The following C5orf52 variants were observed in gnomAD, a reference collection of about 807,000 sequenced individuals.
The protein encoded by C5orf52 is uncharacterized protein C5orf52.
C5orf52 carries 15 observed loss-of-function variants against 16.8 expected under a neutral mutation model. The observed-to-expected ratio is 0.89, with a 90% confidence interval of 0.60 to 1.38. The LOEUF (loss-of-function observed/expected upper bound fraction) is 1.38, where lower values mean the gene tolerates loss of function less well. Among genes scored for constraint, C5orf52 ranks in the 40% most tolerant of loss-of-function variants. The pLI, the probability that C5orf52 is intolerant of heterozygous loss-of-function variation, is 0.00. For synonymous variants in C5orf52, 83 were observed against 87.2 expected (o/e 0.95, Z 0.27); for missense variants, 206 against 213.1 (o/e 0.97, Z 0.21).
chr5:157,671,610 C>A lies in C5orf52; in HGVS notation c.-5C>A, dbSNP rs1464429851. On this transcript the variant is annotated 5_prime_UTR_variant, in exon 1 of 3. Transcript: ENST00000409999. ...TCCAACTCTTTCTCCAACAGGGAAGCCGCAATGACACAGCCGACTAGGCCC... is the reference window on the plus strand; with the variant it reads ...TCCAACTCTTTCTCCAACAGGGAAGACGCAATGACACAGCCGACTAGGCCC... 6.5e-7 allele frequency: 1 copy of A among 1,544,438 alleles called. No individual in the cohort carries two copies.
chr5:157,673,229 C>T (rs1445611402), intron 1 of C5orf52, among the ~76,000 whole-genome samples: 5 of 151,884 alleles, frequency 3.3e-5, no homozygotes, highest in South Asian at 2.1e-4. Context: ...CCCAGTTACT[C>T]GGGAGCCTGA....
chr5:157,679,879 C>G lies in C5orf52; in HGVS notation c.360C>G (p.His120Gln), dbSNP rs1053967087. The change falls in exon 3 of 3, where the codon CAC (histidine) becomes CAG (glutamine). Residue 120 changes from histidine (H) to glutamine (Q), a missense_variant. Physicochemically the swap from His to Gln is conservative, Grantham distance 24. Coordinates refer to ENST00000409999, the MANE Select transcript of C5orf52 (RefSeq NM_001145132.2). The part of the protein sequence containing the change: ...ALEKTKKKIS[H>Q]YYEHLKKKFM... ...AGAAGACCAAGAAAAAGATCAGCCA[C>G]TACTATGAACACCTGAAAAAAAAGT... is the stretch of plus-strand genomic sequence containing the variant. The G allele has an allele frequency of 1.3e-6, 2 of 1,551,752 alleles. No homozygotes were observed. Among genetic ancestry groups the G allele is most frequent in the South Asian group, 2.4e-5 (2 of 84,028 alleles).
At chr5:157,676,716 A>C (rs911508878) in intron 2 of C5orf52, among the ~76,000 whole-genome samples, 1 of 152,188 alleles carries the variant, frequency 6.6e-6, no homozygotes, top group Non-Finnish European at 1.5e-5. Context: ...TAGTTCGAGC[A>C]AGATAGAGAA....
Position 157,679,896 on chromosome 5 carries a change from A to G in C5orf52, c.377A>G (p.Lys126Arg), listed in dbSNP as rs751126888. The change falls in exon 3 of 3, where the codon AAA (lysine) becomes AGA (arginine). Residue 126 changes from lysine (K) to arginine (R), a missense_variant. Transcript: ENST00000409999. ...ATCAGCCACTACTATGAACACCTGA[A>G]AAAAAAGTTCATGACAGAGCAGCTC... is the stretch of plus-strand genomic sequence containing the variant. ...KKISHYYEHL[K>R]KKFMTEQLRK... The G allele has an allele frequency of 8.4e-6, 13 of 1,551,730 alleles. No homozygotes were observed. The highest frequency in any genetic ancestry group is 1.2e-5 in the South Asian group (1 of 84,062).
chr5:157,675,002 C>A, intron 1 of C5orf52, 90 bp from the exon 2 acceptor site: 1 of 760,348 alleles, frequency 1.3e-6, no homozygotes. Context: ...CCGGGGAAGC[C>A]TCAGCCACTC....
At chr5:157,678,398 C>T (rs908983700) in intron 2 of C5orf52, among the ~76,000 whole-genome samples, 2 of 152,172 alleles carry the variant, frequency 1.3e-5, no homozygotes, top group South Asian at 2.1e-4. Context: ...TTCTACATGC[C>T]CCAAACCCTC....
intron 2 of C5orf52, among the ~76,000 whole-genome samples, chr5:157,679,061 G>A (rs963225281): frequency 1.3e-5 from 2 of 151,736 alleles, no homozygotes; most frequent in African/African-American, 2.4e-5. Context: ...GTGAACCCAG[G>A]AGGCAGAGCT....
chr5:157,671,694 C>T lies in C5orf52; in HGVS notation c.80C>T (p.Thr27Ile). The change falls in exon 1 of 3, where the codon ACC (threonine) becomes ATC (isoleucine). Residue 27 changes from threonine (T) to isoleucine (I), a missense_variant. By Grantham distance (89) the Thr-to-Ile change is moderately conservative (BLOSUM62 -1). Coordinates refer to ENST00000409999, the MANE Select transcript of C5orf52 (RefSeq NM_001145132.2). ...GGCGGGACCGCCGCCCAGGCGACCA[C>T]CAGTTCCAGCGCCACCTCGGGTTCG... The part of the protein sequence containing the change: ...TIGGTAAQAT[T>I]SSSATSGSNY... 1.9e-6 allele frequency: 3 copies of T among 1,551,456 alleles called. No individual in the cohort carries two copies. Among genetic ancestry groups the T allele is most frequent in the Non-Finnish European group, 2.6e-6 (3 of 1,146,924 alleles).
At chr5:157,677,232 A>T (rs1185562191) in intron 2 of C5orf52, among the ~76,000 whole-genome samples, 3 of 152,178 alleles carry the variant, frequency 2.0e-5, no homozygotes, top group African/African-American at 7.2e-5. Flanking sequence ...CCCGCAGTGT[A>T]TGGGACAGCC....
chr5:157,679,415 C>T (rs1277275877), intron 2 of C5orf52, among the ~76,000 whole-genome samples: 4 of 152,134 alleles, frequency 2.6e-5, no homozygotes, highest in Admixed American at 2.6e-4. Flanking sequence ...CGGCTTACTG[C>T]AGCCTCCACC....
chr5:157,674,492 G>A (rs57823519), intron 1 of C5orf52, among the ~76,000 whole-genome samples: 25,867 of 152,152 alleles, frequency 0.17, 2,505 homozygotes, highest in African/African-American at 0.27. Flanking sequence ...GGCTGGGTGG[G>A]CGTGGTGGCA....
intron 2 of C5orf52, among the ~76,000 whole-genome samples, chr5:157,678,962 G>A (rs1250549294): frequency 2.6e-5 from 4 of 151,792 alleles, no homozygotes; most frequent in Admixed American, 6.6e-5. Flanking sequence ...GTGAAACCCC[G>A]TCTCTACTAA....
intron 2 of C5orf52, among the ~76,000 whole-genome samples, chr5:157,679,297 G>A (rs1439743814): frequency 6.6e-6 from 1 of 152,012 alleles, no homozygotes; most frequent in African/African-American, 2.4e-5. Context: ...ACACCTTACC[G>A]CCTTTTGGGG....
intron 2 of C5orf52, among the ~76,000 whole-genome samples, chr5:157,676,496 G>A (rs1024700064): frequency 2.0e-5 from 3 of 152,154 alleles, no homozygotes; most frequent in Non-Finnish European, 2.9e-5. Flanking sequence ...AGATCCTCTT[G>A]AAGGTCACAA....
At chr5:157,679,724 C>A in intron 2 of C5orf52, 117 bp from the exon 3 acceptor site, 1 of 921,330 alleles carries the variant, frequency 1.1e-6, no homozygotes, top group Non-Finnish European at 1.6e-6. Context: ...ACATAGGGTC[C>A]AGCTGACACT....
intron 1 of C5orf52, among the ~76,000 whole-genome samples, chr5:157,674,305 C>T (rs1759855531): frequency 6.6e-6 from 1 of 152,116 alleles, no homozygotes; most frequent in South Asian, 2.1e-4. Flanking sequence ...GATTTATACT[C>T]CCCCAACCCC....
intron 2 of C5orf52, among the ~76,000 whole-genome samples, chr5:157,676,861 C>CTT (rs61514085): frequency 1.3e-4 from 17 of 134,914 alleles, no homozygotes; most frequent in African/African-American, 2.9e-4. Context: ...TTTTAATTTC[C>CTT]TTTTTTTTTC....
chr5:157,678,346 T>G (rs956846541), intron 2 of C5orf52, among the ~76,000 whole-genome samples: 1 of 152,214 alleles, frequency 6.6e-6, no homozygotes, highest in Admixed American at 6.5e-5. Flanking sequence ...GGAGGGCTTG[T>G]TAAAAAACGT....
rs557396604 is a variant in C5orf52, at chr5:157,673,833, TG to T, written c.213-1255del. Among the ~76,000 whole-genome samples the T allele has an allele frequency of 4.6e-3, 693 of 152,148 alleles. 3 individuals carry two copies. Among genetic ancestry groups the T allele is most frequent in the Non-Finnish European group, 7.1e-3 (480 of 67,996 alleles). ...CTAATTTTTGTATTTTTAGCAGAGA[TG>T]GGGTTTCACCATCTTTGCCAGGCTG... On this transcript the variant is annotated intron_variant, in intron 1 of 2. Transcript: ENST00000409999.
Sources: gnomAD v4.1 joint callset for allele counts (sites outside exome capture counted in the v4.1 genomes callset) on GRCh38, gnomAD v4.1.1 for gene constraint, MANE v1.5 for transcripts, NCBI Gene and HGNC (gene_info 2026-07-23, HGNC 2026-07-21) for gene names.